MYO3A: variants seen among roughly 807,000 people sequenced by gnomAD.
The protein encoded by MYO3A is myosin IIIA.
Under a neutral mutation model 192.7 loss-of-function variants are expected in MYO3A, and 180 were observed. That is an observed-to-expected ratio of 0.93 (90% CI 0.83 to 1.06). The LOEUF (loss-of-function observed/expected upper bound fraction) is 1.06. Ranked by LOEUF, MYO3A falls within the 50% of genes least tolerant of loss-of-function variation. MYO3A has a pLI of 0.00. For missense variants in MYO3A, 1,896 were observed against 1,905.0 expected (o/e 1.00, Z 0.09); for synonymous variants, 628 against 645.3 (o/e 0.97, Z 0.41).
intron 4 of MYO3A, among the ~76,000 whole-genome samples, chr10:25,995,775 C>T (rs551144179): frequency 4.9e-4 from 75 of 152,350 alleles, no homozygotes; most frequent in African/African-American, 1.8e-3. Flanking sequence ...CCACTCCAGA[C>T]CCTGTTTGCC....
chr10:26,106,806 T>C (rs1837831347), intron 17 of MYO3A, among the ~76,000 whole-genome samples: 2 of 152,174 alleles, frequency 1.3e-5, no homozygotes, highest in Non-Finnish European at 2.9e-5. Context: ...TAAATATCCT[T>C]ACATTTCTGG....
chr10:26,087,274 A>G (rs1230773099), intron 14 of MYO3A, among the ~76,000 whole-genome samples: 3 of 152,170 alleles, frequency 2.0e-5, no homozygotes, highest in African/African-American at 4.8e-5. Flanking sequence ...TGCCTCTTTT[A>G]TAAGATACCC....
In MYO3A at chr10:26,193,204, G is replaced by A; in HGVS notation, c.4439-1G>A. ...CTTGTTTATGATCACCTTTCTTATA[G>A]GTGTCTGTAAAGGAGAGGAGCCAAA... On this transcript the variant is annotated splice_acceptor_variant, in intron 31 of 34. Coordinates refer to ENST00000642920, the MANE Select transcript of MYO3A (RefSeq NM_017433.5). LOFTEE classifies it high-confidence loss of function. The A allele has an allele frequency of 6.2e-7, 1 of 1,603,210 alleles. No homozygotes were observed. The highest frequency in any genetic ancestry group is 8.5e-7 in the Non-Finnish European group (1 of 1,170,268).
At chr10:26,154,055 G>A (rs1252810844) in intron 24 of MYO3A, 126 bp downstream of exon 24, 4 of 723,734 alleles carry the variant, frequency 5.5e-6, no homozygotes, top group South Asian at 3.2e-5. Flanking sequence ...TTGCTTTTCT[G>A]TTTGAACAGA....
At chr10:26,163,505 G>A (rs916376753) in intron 26 of MYO3A, among the ~76,000 whole-genome samples, 1 of 152,196 alleles carries the variant, frequency 6.6e-6, no homozygotes, top group African/African-American at 2.4e-5. Flanking sequence ...ATGGCAGCAG[G>A]CATAGCGAGA....
intron 19 of MYO3A, 117 bp from the exon 20 acceptor site, chr10:26,128,274 A>T: frequency 9.7e-7 from 1 of 1,036,006 alleles, no homozygotes; most frequent in Non-Finnish European, 1.5e-6. Flanking sequence ...TTTCACTCTA[A>T]GTGTATGTTC....
At chr10:26,164,224 T>G (rs1400072223) in intron 26 of MYO3A, among the ~76,000 whole-genome samples, 1 of 152,146 alleles carries the variant, frequency 6.6e-6, no homozygotes, top group Non-Finnish European at 1.5e-5. Flanking sequence ...AGAAACAGAA[T>G]CATTACAGAT....
chr10:26,088,764 A>G (rs910165158), intron 15 of MYO3A, among the ~76,000 whole-genome samples: 2 of 152,228 alleles, frequency 1.3e-5, no homozygotes, highest in Non-Finnish European at 2.9e-5. Context: ...TCTGTTTTAA[A>G]TGCTAGCATA....
intron 31 of MYO3A, among the ~76,000 whole-genome samples, chr10:26,177,288 C>T (rs1425774569): frequency 6.6e-6 from 1 of 152,142 alleles, no homozygotes; most frequent in Non-Finnish European, 1.5e-5. Flanking sequence ...TTTTTCTAGT[C>T]AACCTATTAT....
chr10:26,197,323 C>T (rs1164785701), intron 32 of MYO3A, among the ~76,000 whole-genome samples: 1 of 152,086 alleles, frequency 6.6e-6, no homozygotes, highest in Admixed American at 6.6e-5. Context: ...TTTGAGGGGC[C>T]TGAAGGTTAT....
chr10:26,070,310 A>G lies in MYO3A; in HGVS notation c.1276-8A>G, dbSNP rs777374750. ...AGGTCTTCTCACAGTTTTCTTTTCT[A>G]TGTATAGTGCATTGTTATTTCTGGA... is the stretch of plus-strand genomic sequence containing the variant. On this transcript the variant is annotated splice_polypyrimidine_tract_variant and splice_region_variant and intron_variant, in intron 13 of 34. Coordinates refer to ENST00000642920, the MANE Select transcript of MYO3A (RefSeq NM_017433.5). 7 of 1,612,572 alleles carry G rather than the reference A, an allele frequency of 4.3e-6. No homozygotes were observed. Among genetic ancestry groups the G allele is most frequent in the Non-Finnish European group, 3.4e-6 (4 of 1,178,974 alleles).
At chr10:25,946,054 C>T (rs1836811275) in intron 2 of MYO3A, among the ~76,000 whole-genome samples, 1 of 152,064 alleles carries the variant, frequency 6.6e-6, no homozygotes, top group Non-Finnish European at 1.5e-5. Flanking sequence ...TATTGTATCC[C>T]CACTTAACAT....
At chr10:26,153,520 C>G (rs549630044) in intron 23 of MYO3A, among the ~76,000 whole-genome samples, 46 of 152,306 alleles carry the variant, frequency 3.0e-4, no homozygotes, top group African/African-American at 1.1e-3. Flanking sequence ...TAAAGAAAAT[C>G]TCAGATGCCA....
At chr10:26,138,547 A>G (rs1343501037) in intron 20 of MYO3A, among the ~76,000 whole-genome samples, 1 of 152,236 alleles carries the variant, frequency 6.6e-6, no homozygotes, top group Non-Finnish European at 1.5e-5. Context: ...TATCATCATC[A>G]TGGTGATAGA....
At chr10:26,046,757 C>T (rs1213583324) in intron 10 of MYO3A, among the ~76,000 whole-genome samples, 3 of 152,166 alleles carry the variant, frequency 2.0e-5, no homozygotes, top group Admixed American at 6.5e-5. Context: ...ATTGCATTCA[C>T]ATATAAATAC....
At chr10:26,196,162 G>T (rs933312906) in intron 32 of MYO3A, among the ~76,000 whole-genome samples, 6 of 152,172 alleles carry the variant, frequency 3.9e-5, no homozygotes, top group Non-Finnish European at 8.8e-5. Context: ...TAGAACAGCA[G>T]AAACAAGATT....
chr10:26,105,625 G>A (rs1352893254), intron 17 of MYO3A, among the ~76,000 whole-genome samples: 1 of 151,920 alleles, frequency 6.6e-6, no homozygotes, highest in African/African-American at 2.4e-5. Flanking sequence ...TGTTATAAAT[G>A]TTTCTTTATA....
chr10:26,129,155 C>T (rs937616099), intron 20 of MYO3A, among the ~76,000 whole-genome samples: 15 of 152,238 alleles, frequency 9.9e-5, no homozygotes, highest in African/African-American at 3.1e-4. Flanking sequence ...TCCAGTATGT[C>T]ATTTTTCTCC....
At chr10:25,936,690 A>G (rs1206651337) in intron 2 of MYO3A, among the ~76,000 whole-genome samples, 1 of 152,188 alleles carries the variant, frequency 6.6e-6, no homozygotes, top group Non-Finnish European at 1.5e-5. Context: ...ACTCTTTTGA[A>G]CTAAAATCAT....
Sources: allele counts gnomAD v4.1 joint callset (sites outside exome capture counted in the v4.1 genomes callset), GRCh38; gene constraint gnomAD v4.1.1; transcripts MANE v1.5; gene names NCBI Gene and HGNC (gene_info 2026-07-23, HGNC 2026-07-21).